ZNF704: variants seen among roughly 807,000 people sequenced by gnomAD.
ZNF704 encodes zinc finger protein 704.
ZNF704 carries 10 observed loss-of-function variants against 44.7 expected under a neutral mutation model. That is an observed-to-expected ratio of 0.22 (90% CI 0.14 to 0.38). The LOEUF (loss-of-function observed/expected upper bound fraction) is 0.38. Among genes scored for constraint, ZNF704 ranks in the 10% least tolerant of loss-of-function variants. ZNF704 has a pLI of 1.00. For synonymous variants in ZNF704, 211 were observed against 207.6 expected (o/e 1.02, Z -0.14); for missense variants, 390 against 545.5 (o/e 0.71, Z 2.84).
intron 1 of ZNF704, among the ~76,000 whole-genome samples, chr8:80,862,129 G>A (rs531213189): frequency 4.1e-5 from 6 of 145,690 alleles, no homozygotes; most frequent in East Asian, 4.2e-4. Flanking sequence ...TCAGCCTCCC[G>A]AGGAGCTGGG....
chr8:80,726,833 G>GCACACACACA (rs60158512), intron 2 of ZNF704, among the ~76,000 whole-genome samples: 10 of 147,586 alleles, frequency 6.8e-5, no homozygotes, highest in African/African-American at 1.2e-4. Flanking sequence ...ACACACACAT[G>GCACACACACA]CACACACACA....
At chr8:80,656,270 C>T (rs1038359435) in intron 7 of ZNF704, among the ~76,000 whole-genome samples, 1 of 152,168 alleles carries the variant, frequency 6.6e-6, no homozygotes, top group African/African-American at 2.4e-5. Context: ...TTCACCAGAA[C>T]TGAATTGGCC....
intron 2 of ZNF704, among the ~76,000 whole-genome samples, chr8:80,790,748 AGG>A (rs1807690486): frequency 6.6e-6 from 1 of 152,080 alleles, no homozygotes; most frequent in Non-Finnish European, 1.5e-5. Context: ...GGGCAATCTG[AGG>A]GTTAAGAAGT....
At chr8:80,765,664 TTGGGA>T (rs1435475411) in intron 2 of ZNF704, among the ~76,000 whole-genome samples, 4 of 152,192 alleles carry the variant, frequency 2.6e-5, no homozygotes, top group Non-Finnish European at 4.4e-5. Flanking sequence ...ATTGTGATTT[TTGGGA>T]TTTTTAGATG....
chr8:80,701,925 A>G lies in ZNF704; in HGVS notation c.222-8818T>C, dbSNP rs142035508. 3.5e-3 allele frequency among the ~76,000 whole-genome samples: 537 copies of G among 152,256 alleles called. 1 individual carries two copies. The highest frequency in any genetic ancestry group is 5.0e-3 in the Non-Finnish European group (338 of 68,016). ...TAGAGGACTCTTAAAGAGCTTGGCC[A>G]TGAAGGGAAGGGAAACATGGTTCTT... is the stretch of plus-strand genomic sequence containing the variant. On this transcript the variant is annotated intron_variant, in intron 2 of 8. Coordinates refer to ENST00000327835, the MANE Select transcript of ZNF704 (RefSeq NM_001033723.3).
intron 2 of ZNF704, among the ~76,000 whole-genome samples, chr8:80,705,873 T>C (rs2131649931): frequency 6.6e-6 from 1 of 152,236 alleles, no homozygotes; most frequent in South Asian, 2.1e-4. Context: ...TGGAAAGTGC[T>C]CTTGATTGTT....
chr8:80,701,001 G>C (rs1314875306), intron 2 of ZNF704, among the ~76,000 whole-genome samples: 1 of 152,004 alleles, frequency 6.6e-6, no homozygotes, highest in Non-Finnish European at 1.5e-5. Flanking sequence ...TTCTGACCTA[G>C]AACAGCTTGC....
At chr8:80,762,119 T>C (rs1429020523) in intron 2 of ZNF704, among the ~76,000 whole-genome samples, 2 of 152,190 alleles carry the variant, frequency 1.3e-5, no homozygotes, top group Non-Finnish European at 2.9e-5. Flanking sequence ...AAAAAAAGCA[T>C]AAAATGAATT....
At chr8:80,815,917 A>G (rs943010433) in intron 2 of ZNF704, among the ~76,000 whole-genome samples, 7 of 152,234 alleles carry the variant, frequency 4.6e-5, no homozygotes, top group African/African-American at 1.4e-4. Context: ...GTGAATGAAC[A>G]TAACTATGTT....
intron 1 of ZNF704, among the ~76,000 whole-genome samples, chr8:80,833,918 ACAT>A (rs1258224239): frequency 6.6e-6 from 1 of 152,158 alleles, no homozygotes; most frequent in African/African-American, 2.4e-5. Flanking sequence ...GAGATTGTTG[ACAT>A]CAGCTGTTCT....
At chr8:80,825,165 G>T (rs964276333) in intron 1 of ZNF704, among the ~76,000 whole-genome samples, 2 of 152,172 alleles carry the variant, frequency 1.3e-5, no homozygotes, top group Non-Finnish European at 2.9e-5. Context: ...TCAGTGTGCT[G>T]TATTCAGGAG....
At chr8:80,701,570 C>T (rs1818810434) in intron 2 of ZNF704, among the ~76,000 whole-genome samples, 3 of 152,170 alleles carry the variant, frequency 2.0e-5, no homozygotes, top group Non-Finnish European at 4.4e-5. Context: ...ACTGGCCCTT[C>T]TCTATTAATA....
At chr8:80,752,322 A>AC (rs1448947668) in intron 2 of ZNF704, among the ~76,000 whole-genome samples, 1 of 152,068 alleles carries the variant, frequency 6.6e-6, no homozygotes, top group African/African-American at 2.4e-5. Context: ...AGGAAAAAAA[A>AC]AACAACACAA....
intron 2 of ZNF704, among the ~76,000 whole-genome samples, chr8:80,720,638 A>G (rs545365896): frequency 6.6e-6 from 1 of 152,336 alleles, no homozygotes; most frequent in South Asian, 2.1e-4. Context: ...TGTCAAAACC[A>G]TGGATGGGTG....
At chr8:80,676,936 C>T (rs1054799411) in intron 4 of ZNF704, among the ~76,000 whole-genome samples, 7 of 152,204 alleles carry the variant, frequency 4.6e-5, no homozygotes, top group Non-Finnish European at 7.3e-5. Context: ...GGTTCCTAAC[C>T]GGCTGTGTGC....
At chr8:80,854,357 T>A (rs1808922044) in intron 1 of ZNF704, among the ~76,000 whole-genome samples, 1 of 152,104 alleles carries the variant, frequency 6.6e-6, no homozygotes, top group South Asian at 2.1e-4. Flanking sequence ...ATCAACTTTT[T>A]AAAAAAAGAC....
At chr8:80,653,162 C>T (rs1325168037) in intron 7 of ZNF704, among the ~76,000 whole-genome samples, 4 of 152,132 alleles carry the variant, frequency 2.6e-5, no homozygotes, top group Non-Finnish European at 4.4e-5. Flanking sequence ...ATTGATGGGA[C>T]ATATCTCAAA....
At chr8:80,881,056 A>C in the ZNF704 span, among the ~76,000 whole-genome samples, 1 of 152,184 alleles carries the variant, frequency 6.6e-6, no homozygotes, top group African/African-American at 2.4e-5. Flanking sequence ...GTTTTGTTTT[A>C]GTGAGTGTTA....
chr8:80,803,933 C>A (rs1307477761), intron 2 of ZNF704, among the ~76,000 whole-genome samples: 1 of 152,030 alleles, frequency 6.6e-6, no homozygotes, highest in Admixed American at 6.5e-5. Flanking sequence ...GCCATCTATC[C>A]ATCTGACAAA....
Sources: gnomAD v4.1 joint callset for allele counts (sites outside exome capture counted in the v4.1 genomes callset) on GRCh38, gnomAD v4.1.1 for gene constraint, MANE v1.5 for transcripts, NCBI Gene and HGNC (gene_info 2026-07-23, HGNC 2026-07-21) for gene names.